The following SPIRE1 variants were observed in gnomAD, a reference collection of about 807,000 sequenced individuals.
SPIRE1 encodes the protein spire type actin nucleation factor 1, also known as protein spire homolog 1.
SPIRE1 carries 40 observed loss-of-function variants against 94.1 expected under a neutral mutation model. The ratio of observed to expected loss-of-function variants is 0.43; its 90% CI spans 0.33 to 0.55. The LOEUF (loss-of-function observed/expected upper bound fraction) is 0.55, where lower values mean the gene tolerates loss of function less well. Ranked by LOEUF, SPIRE1 falls within the 20% of genes least tolerant of loss-of-function variation. SPIRE1 has a pLI of 0.06. For synonymous variants in SPIRE1, 376 were observed against 371.7 expected (o/e 1.01, Z -0.13); for missense variants, 838 against 975.2 (o/e 0.86, Z 1.87).
chr18:12,620,990 G>C (rs1247831139), intron 2 of SPIRE1, among the ~76,000 whole-genome samples: 1 of 152,172 alleles, frequency 6.6e-6, no homozygotes, highest in Non-Finnish European at 1.5e-5. Flanking sequence ...CAAAGGTCAA[G>C]GCTGCAGTGA....
At chr18:12,605,057 AG>A (rs2036934630) in intron 2 of SPIRE1, among the ~76,000 whole-genome samples, 1 of 152,212 alleles carries the variant, frequency 6.6e-6, no homozygotes, top group Non-Finnish European at 1.5e-5. Context: ...AGAGACTGAA[AG>A]GAGAATGGTG....
chr18:12,652,290 T>C (rs1392249433), intron 1 of SPIRE1, among the ~76,000 whole-genome samples: 2 of 152,220 alleles, frequency 1.3e-5, no homozygotes, highest in African/African-American at 2.4e-5. Context: ...ACAAAGAGCC[T>C]GCGTGTCTTT....
intron 10 of SPIRE1, among the ~76,000 whole-genome samples, chr18:12,475,830 TA>T (rs2032548199): frequency 6.6e-6 from 1 of 152,208 alleles, no homozygotes; most frequent in African/African-American, 2.4e-5. Flanking sequence ...AAAGGGAGAA[TA>T]CGCTGATGGC....
intron 6 of SPIRE1, 93 bp downstream of exon 6, chr18:12,506,384 C>T (rs1333100009): frequency 2.7e-6 from 3 of 1,107,170 alleles, no homozygotes; most frequent in Non-Finnish European, 4.1e-6. Context: ...GTCTTGAACT[C>T]CTGACCTCAG....
At chr18:12,452,228 G>T in intron 16 of SPIRE1, 27 bp downstream of exon 16, 1 of 1,612,876 alleles carries the variant, frequency 6.2e-7, no homozygotes, top group Non-Finnish European at 8.5e-7. Context: ...GCAAAGGATG[G>T]TTTGACAACC....
At position 12,453,149 on chromosome 18, in the gene SPIRE1, C is replaced by A; in HGVS notation, c.1777-11G>T. Reference sequence around the variant, plus strand: ...GCAACAAAAGCAGAGCTAAAAAATACAAATTTAAGAGGAAAAAAAACATTG... The same window carrying A: ...GCAACAAAAGCAGAGCTAAAAAATAAAAATTTAAGAGGAAAAAAAACATTG... On this transcript the variant is annotated splice_polypyrimidine_tract_variant and intron_variant, in intron 13 of 16. Coordinates refer to ENST00000409402, the MANE Select transcript of SPIRE1 (RefSeq NM_001128626.2). The A allele has an allele frequency of 6.3e-7, 1 of 1,598,146 alleles. No homozygotes were observed. The highest frequency in any genetic ancestry group is 8.5e-7 in the Non-Finnish European group (1 of 1,173,408).
intron 10 of SPIRE1, among the ~76,000 whole-genome samples, chr18:12,471,675 GTT>G (rs2032367082): frequency 6.6e-6 from 1 of 152,178 alleles, no homozygotes; most frequent in Admixed American, 6.5e-5. Flanking sequence ...ATACTAGCAA[GTT>G]CATGAGATAC....
intron 10 of SPIRE1, among the ~76,000 whole-genome samples, chr18:12,472,041 T>C (rs917879131): frequency 2.0e-5 from 3 of 152,128 alleles, no homozygotes; most frequent in Admixed American, 6.5e-5. Flanking sequence ...CACCTTGGCC[T>C]CCCAAAGTGC....
intron 1 of SPIRE1, among the ~76,000 whole-genome samples, chr18:12,647,712 T>A (rs2038262604): frequency 6.6e-6 from 1 of 152,108 alleles, no homozygotes; most frequent in South Asian, 2.1e-4. Context: ...TATGATCACA[T>A]CACTGCACTC....
chr18:12,545,823 G>T (rs1359740780), intron 3 of SPIRE1, among the ~76,000 whole-genome samples: 2 of 152,122 alleles, frequency 1.3e-5, no homozygotes, highest in Non-Finnish European at 2.9e-5. Flanking sequence ...AAATACAGAG[G>T]TCAACTGAAG....
chr18:12,558,335 G>A (rs957964212), intron 2 of SPIRE1, among the ~76,000 whole-genome samples: 4 of 152,068 alleles, frequency 2.6e-5, no homozygotes, highest in African/African-American at 7.2e-5. Context: ...TTGTGGTCTC[G>A]CTGGCTTCAG....
intron 2 of SPIRE1, among the ~76,000 whole-genome samples, chr18:12,604,562 TG>T (rs1377324079): frequency 6.6e-6 from 1 of 152,206 alleles, no homozygotes; most frequent in Non-Finnish European, 1.5e-5. Context: ...AATATATATC[TG>T]AGTTGACATG....
In SPIRE1 at chr18:12,522,479, G is replaced by A. The variant is rs553143547; in HGVS notation, c.730-9948C>T. ...GCAGCAAGTGCTGAATGTAGAAGCT[G>A]CAGTAAATTATCAAGAAGATGTAGC... On this transcript the variant is annotated intron_variant, in intron 4 of 16. Transcript: ENST00000409402. Among the ~76,000 whole-genome samples, 18 of 152,334 alleles carry A rather than the reference G, an allele frequency of 1.2e-4. No homozygotes were observed. In the South Asian group the frequency reaches 3.5e-3, roughly 30 times the overall value.
intron 2 of SPIRE1, among the ~76,000 whole-genome samples, chr18:12,619,776 G>A (rs2037413616): frequency 6.6e-6 from 1 of 150,598 alleles, no homozygotes; most frequent in African/African-American, 2.4e-5. Flanking sequence ...AACCCGGGAG[G>A]TGGAGATTGT....
chr18:12,590,960 CCTCA>C (rs903863727), intron 2 of SPIRE1, among the ~76,000 whole-genome samples: 4 of 152,102 alleles, frequency 2.6e-5, no homozygotes, highest in African/African-American at 7.2e-5. Context: ...ATCATTTTAT[CCTCA>C]CTATTTTTAC....
chr18:12,657,712 G>A lies in SPIRE1; in HGVS notation c.155C>T (p.Pro52Leu). ...GGCCCACGCCTGCTCCTCGTTGATG[G>A]GCTGGTTGTACAGCCGCAGGATCTC... ...LEEILRLYNQ[P>L]INEEQAWAVC... Residue 52 changes from proline to leucine, a missense_variant, in exon 1 of 17, where the codon CCC becomes CTC. By Grantham distance (98) the Pro-to-Leu change is moderately conservative. This residue lies in a region of SPIRE1 where 193 missense variants were observed against 170.5 expected (regional missense o/e 1.13). Coordinates refer to ENST00000409402, the MANE Select transcript of SPIRE1 (RefSeq NM_001128626.2). 2 of 1,406,620 alleles carry A rather than the reference G, an allele frequency of 1.4e-6. No homozygotes were observed. The highest frequency in any genetic ancestry group is 1.9e-6 in the Non-Finnish European group (2 of 1,072,762). 87.1% of individuals were successfully genotyped at this position (1,406,620 alleles called of 1,614,324 possible). A position where few individuals can be genotyped will look rare whatever the true frequency, so the allele number is the denominator to read the frequency against.
chr18:12,507,216 T>C (rs1386832299), intron 5 of SPIRE1, among the ~76,000 whole-genome samples: 1 of 152,134 alleles, frequency 6.6e-6, no homozygotes, highest in Non-Finnish European at 1.5e-5. Flanking sequence ...GCGGCTGTGA[T>C]TTTGTAGTGG....
chr18:12,587,587 C>A (rs898813697), intron 2 of SPIRE1, among the ~76,000 whole-genome samples: 4 of 152,086 alleles, frequency 2.6e-5, no homozygotes, highest in African/African-American at 7.2e-5. Flanking sequence ...CAGTCCCAAG[C>A]CCCTTCACAG....
intron 9 of SPIRE1, among the ~76,000 whole-genome samples, chr18:12,482,719 A>G (rs1238425704): frequency 1.3e-5 from 2 of 152,154 alleles, no homozygotes; most frequent in African/African-American, 2.4e-5. Flanking sequence ...GAAATTGTCC[A>G]ATAGCTCTGT....
Sources: gnomAD v4.1 joint callset for allele counts (sites outside exome capture counted in the v4.1 genomes callset) on GRCh38, gnomAD v4.1.1 for gene constraint, gnomAD v4.1.1 regional missense constraint, MANE v1.5 for transcripts, NCBI Gene and HGNC (gene_info 2026-07-23, HGNC 2026-07-21) for gene names.